Variants in CCSER1 observed in about 807,000 individuals in gnomAD.
The protein encoded by CCSER1 is serine-rich coiled-coil domain-containing protein 1.
In CCSER1, 41 loss-of-function variants were observed where a neutral mutation model predicts 82.0. The observed-to-expected ratio is 0.50, with a 90% CI of 0.39 to 0.65. CCSER1 has a LOEUF of 0.65. Among genes scored for constraint, CCSER1 ranks in the 30% least tolerant of loss-of-function variants. The probability of loss-of-function intolerance (pLI) is 0.00; values close to 1 mark genes in which losing one functional copy is unlikely to be tolerated. For missense variants in CCSER1, 1,119 were observed against 1,064.2 expected (o/e 1.05, Z -0.72); for synonymous variants, 414 against 383.9 (o/e 1.08, Z -0.92).
chr4:90,357,165 G>A (rs1399975624), intron 3 of CCSER1, among the ~76,000 whole-genome samples: 1 of 151,804 alleles, frequency 6.6e-6, no homozygotes, highest in Non-Finnish European at 1.5e-5. Context: ...TTACATAACT[G>A]TGCAAAATAT....
At chr4:91,187,359 A>T (rs1182062613) in intron 10 of CCSER1, among the ~76,000 whole-genome samples, 3 of 152,188 alleles carry the variant, frequency 2.0e-5, no homozygotes, top group Non-Finnish European at 4.4e-5. Flanking sequence ...TAATCATAGG[A>T]TTTTAAGTCT....
chr4:90,400,007 T>C, intron 3 of CCSER1, 29 bp from the exon 4 acceptor site: 3 of 1,357,786 alleles, frequency 2.2e-6, no homozygotes, highest in South Asian at 1.2e-5. Flanking sequence ...TGTTTTGGTT[T>C]CTAATTGTTG....
intron 10 of CCSER1, among the ~76,000 whole-genome samples, chr4:91,567,985 C>G (rs1393265874): frequency 1.3e-5 from 2 of 151,994 alleles, no homozygotes; most frequent in Non-Finnish European, 2.9e-5. Context: ...AATTGTGTTT[C>G]TGTATTAGCT....
intron 10 of CCSER1, among the ~76,000 whole-genome samples, chr4:91,467,902 TG>T (rs1757019194): frequency 6.6e-6 from 1 of 152,250 alleles, no homozygotes; most frequent in South Asian, 2.1e-4. Context: ...ACACTTTTGG[TG>T]GGACTGTAAA....
chr4:90,993,094 T>C (rs1231424288), intron 9 of CCSER1, among the ~76,000 whole-genome samples: 1 of 152,082 alleles, frequency 6.6e-6, no homozygotes, highest in Non-Finnish European at 1.5e-5. Context: ...GCCAGTTATG[T>C]ACTGTTGCTT....
intron 10 of CCSER1, among the ~76,000 whole-genome samples, chr4:91,519,428 T>G (rs1316722021): frequency 6.6e-6 from 1 of 152,218 alleles, no homozygotes; most frequent in African/African-American, 2.4e-5. Flanking sequence ...GGTATTATCC[T>G]GCGAGGTGCA....
At chr4:90,530,772 C>T (rs1774403614) in intron 5 of CCSER1, among the ~76,000 whole-genome samples, 1 of 152,028 alleles carries the variant, frequency 6.6e-6, no homozygotes, top group Admixed American at 6.6e-5. Context: ...TGGTCCATGC[C>T]CTGGTTTTCA....
At chr4:91,132,944 C>A (rs1208079078) in intron 10 of CCSER1, among the ~76,000 whole-genome samples, 1 of 152,088 alleles carries the variant, frequency 6.6e-6, no homozygotes, top group Non-Finnish European at 1.5e-5. Context: ...TCCTAACAGA[C>A]TGTAGATCTG....
intron 10 of CCSER1, among the ~76,000 whole-genome samples, chr4:91,103,382 T>A (rs940008534): frequency 6.6e-6 from 1 of 152,082 alleles, no homozygotes; most frequent in Non-Finnish European, 1.5e-5. Context: ...CTCACCTATA[T>A]GTCATCGGAA....
chr4:90,717,285 A>G (rs1270649802), intron 6 of CCSER1, among the ~76,000 whole-genome samples: 5 of 152,200 alleles, frequency 3.3e-5, no homozygotes, highest in African/African-American at 1.2e-4. Flanking sequence ...GAAAACCAGA[A>G]TGTTAACAAG....
chr4:90,953,435 ATATT>A (rs1487429480), intron 9 of CCSER1, among the ~76,000 whole-genome samples: 8 of 151,624 alleles, frequency 5.3e-5, no homozygotes, highest in African/African-American at 1.7e-4. Context: ...AATTCAGTAA[ATATT>A]TATTGAACAT....
intron 4 of CCSER1, among the ~76,000 whole-genome samples, chr4:90,446,558 T>G (rs1023494754): frequency 6.6e-6 from 1 of 152,120 alleles, no homozygotes; most frequent in African/African-American, 2.4e-5. Flanking sequence ...AAAAGGAAGA[T>G]GTAGGGGAAA....
chr4:90,640,645 C>T (rs1021020579), intron 6 of CCSER1, among the ~76,000 whole-genome samples: 2 of 152,070 alleles, frequency 1.3e-5, no homozygotes, highest in African/African-American at 4.8e-5. Flanking sequence ...AAGGGAGAGA[C>T]CATGTGGAGG....
chr4:90,632,168 AT>A (rs982170162), intron 6 of CCSER1, among the ~76,000 whole-genome samples: 72 of 151,880 alleles, frequency 4.7e-4, no homozygotes, highest in African/African-American at 1.7e-3. Flanking sequence ...TTCTTTCTAA[AT>A]TTTTTTGTGA....
intron 1 of CCSER1, among the ~76,000 whole-genome samples, chr4:90,295,941 T>A (rs779984408): frequency 1.2e-4 from 19 of 152,062 alleles, no homozygotes; most frequent in Non-Finnish European, 2.5e-4. Context: ...GGACCTGTGA[T>A]GACATTTTTT....
At chr4:91,073,528 G>A (rs1403182139) in intron 9 of CCSER1, among the ~76,000 whole-genome samples, 21 of 151,902 alleles carry the variant, frequency 1.4e-4, no homozygotes. Flanking sequence ...TCCTAAGTAA[G>A]ACTAACATTA....
chr4:90,710,870 G>A (rs913867040), intron 6 of CCSER1, among the ~76,000 whole-genome samples: 2 of 152,008 alleles, frequency 1.3e-5, no homozygotes, highest in African/African-American at 4.8e-5. Context: ...TGCAAGGAAT[G>A]TCAACATGGT....
chr4:90,271,890 TAAAAGGAG>T (rs1726595733), intron 1 of CCSER1, among the ~76,000 whole-genome samples: 61 of 70,022 alleles, frequency 8.7e-4, no homozygotes, highest in East Asian at 1.2e-3. Context: ...TTTTTTTTTT[TAAAAGGAG>T]GTTTAATTGA....
At chr4:90,845,816 A>AT (rs1763171315) in intron 8 of CCSER1, among the ~76,000 whole-genome samples, 1 of 152,024 alleles carries the variant, frequency 6.6e-6, no homozygotes, top group Non-Finnish European at 1.5e-5. Flanking sequence ...TGAAAAAAAA[A>AT]AAAACCAGAT....
Sources: allele counts gnomAD v4.1 joint callset (sites outside exome capture counted in the v4.1 genomes callset), GRCh38; gene constraint gnomAD v4.1.1; transcripts MANE v1.5; gene names NCBI Gene and HGNC (gene_info 2026-07-23, HGNC 2026-07-21).